MCF2L: variants seen among roughly 807,000 people sequenced by gnomAD.
MCF2L encodes guanine nucleotide exchange factor DBS.
In MCF2L, 97 loss-of-function variants were observed where a neutral mutation model predicts 153.4. The ratio of observed to expected loss-of-function variants is 0.63; its 90% CI spans 0.54 to 0.75. The LOEUF (loss-of-function observed/expected upper bound fraction) is 0.75. Ranked by LOEUF, MCF2L falls within the 30% of genes least tolerant of loss-of-function variation. MCF2L has a pLI of 0.00. For synonymous variants in MCF2L, 659 were observed against 632.2 expected, an observed-to-expected ratio of 1.04 and a Z score of -0.64; for missense variants, 1,347 against 1,495.2, an observed-to-expected ratio of 0.90 and a Z score of 1.64.
chr13:113,041,589 C>T (rs1807141), intron 3 of MCF2L, among the ~76,000 whole-genome samples: 60,926 of 149,378 alleles, frequency 0.41, 13,110 homozygotes, highest in African/African-American at 0.55. Context: ...GCCCTGCCCC[C>T]ATGACCACAG....
intron 2 of MCF2L, among the ~76,000 whole-genome samples, chr13:112,918,162 C>T (rs1304443532): frequency 6.6e-6 from 1 of 152,200 alleles, no homozygotes. Context: ...ATTAAGGGAA[C>T]GCACTGTGTC....
At chr13:112,994,814 GCCA>G (rs2083054471) in intron 1 of MCF2L, among the ~76,000 whole-genome samples, 1 of 152,228 alleles carries the variant, frequency 6.6e-6, no homozygotes, top group Non-Finnish European at 1.5e-5. Flanking sequence ...AGTCGGAAAG[GCCA>G]CCGAGGTTGG....
At chr13:112,968,735 G>T, upstream of MCF2L, 1 of 1,385,264 alleles carries the variant, frequency 7.2e-7, no homozygotes, top group East Asian at 3.0e-5. Flanking sequence ...GCGGCGGCCA[G>T]GCGCGGCCCC....
At position 112,983,422 on chromosome 13, in the gene MCF2L, G is replaced by A. The variant is rs958940697; in HGVS notation, c.79+13964G>A. On this transcript the variant is annotated intron_variant, in intron 1 of 29. Coordinates refer to ENST00000535094, the MANE Select transcript of MCF2L (RefSeq NM_001112732.3). The surrounding 1 kb of genome is among the most constrained non-coding windows in gnomAD (Gnocchi z 4.0). ...AGGATGAGCCTCCTCCCTTCTATCC[G>A]GCAGGTGGCCTTCTCCAGGCATTGC... Among the ~76,000 whole-genome samples the A allele has an allele frequency of 2.0e-5, 3 of 152,168 alleles. No homozygotes were observed. The highest frequency in any genetic ancestry group is 1.9e-4 in the East Asian group (1 of 5,186).
chr13:113,045,161 G>C lies in MCF2L; in HGVS notation c.279-110G>C. Reference sequence around the variant, plus strand: ...GCCTCTCACCTGGTATTGCAGAAATGGCATCATGAATATGGGGGATCGCTC... The same window carrying C: ...GCCTCTCACCTGGTATTGCAGAAATCGCATCATGAATATGGGGGATCGCTC... On this transcript the variant is annotated intron_variant, in intron 3 of 29. Coordinates refer to ENST00000535094, the MANE Select transcript of MCF2L (RefSeq NM_001112732.3). The surrounding 1 kb of genome is among the most constrained non-coding windows in gnomAD (Gnocchi z 4.2). 1 of 1,024,732 alleles carries C rather than the reference G, an allele frequency of 9.8e-7. No individual in the cohort carries two copies. The highest frequency in any genetic ancestry group is 1.7e-5 in the Admixed American group (1 of 58,054). 63.5% of individuals were successfully genotyped at this position (1,024,732 alleles called of 1,614,324 possible). A position where few individuals can be genotyped will look rare whatever the true frequency, so the allele number is the denominator to read the frequency against.
At chr13:112,912,787 C>T (rs575844851) in intron 2 of MCF2L, among the ~76,000 whole-genome samples, 1 of 148,874 alleles carries the variant, frequency 6.7e-6, no homozygotes, top group East Asian at 1.9e-4. Flanking sequence ...GTGTGTGTGT[C>T]TGTGGTGTAT....
chr13:113,031,179 GACA>G lies in MCF2L; in HGVS notation c.278+6422_278+6424del. On this transcript the variant is annotated intron_variant, in intron 3 of 29. Coordinates refer to ENST00000535094, the MANE Select transcript of MCF2L (RefSeq NM_001112732.3). The surrounding 1 kb of genome is among the most constrained non-coding windows in gnomAD (Gnocchi z 5.5). ...CAGAGAGAAGAGACAGAGAGTGACA[GACA>G]GAGACAGAGAGACAGAGACAGACAG... Among the ~76,000 whole-genome samples the G allele has an allele frequency of 1.0e-5, 1 of 97,294 alleles. No individual in the cohort carries two copies. Among genetic ancestry groups the G allele is most frequent in the Non-Finnish European group, 2.2e-5 (1 of 45,060 alleles). 63.8% of individuals were successfully genotyped at this position (97,294 alleles called of 152,430 possible). A position where few individuals can be genotyped will look rare whatever the true frequency, so the allele number is the denominator to read the frequency against.
chr13:113,027,868 C>T lies in MCF2L; in HGVS notation c.278+3110C>T, dbSNP rs2085411053. ...TGGCCGTACCCCGAGGACGTAGGCT[C>T]CAGGTGTGCTGTGGCCAGAGGGGTG... On this transcript the variant is annotated intron_variant, in intron 3 of 29. Coordinates refer to ENST00000535094, the MANE Select transcript of MCF2L (RefSeq NM_001112732.3). The surrounding 1 kb of genome is among the most constrained non-coding windows in gnomAD (Gnocchi z 4.8). 6.6e-6 allele frequency among the ~76,000 whole-genome samples: 1 copy of T among 152,212 alleles called. No homozygotes were observed. Among genetic ancestry groups the T allele is most frequent in the African/African-American group, 2.4e-5 (1 of 41,452 alleles).
At chr13:113,023,306 A>G (rs1251505983) in intron 2 of MCF2L, among the ~76,000 whole-genome samples, 1 of 152,208 alleles carries the variant, frequency 6.6e-6, no homozygotes, top group African/African-American at 2.4e-5. Context: ...TGTCCCATTG[A>G]GGGGTGCCGA....
In MCF2L at chr13:113,064,608, T is replaced by G; in HGVS notation, c.606+188T>G. The stretch of plus-strand genomic sequence containing the variant: ...TAAAGAAGTAACGTGAGTCATAAGT[T>G]TGGGAGTGGCTTTCTCTGGGCTTGG... On this transcript the variant is annotated intron_variant, in intron 6 of 29. Coordinates refer to ENST00000535094, the MANE Select transcript of MCF2L (RefSeq NM_001112732.3). This position sits in a 1 kb window ranked among gnomAD's most constrained non-coding sequence, Gnocchi z 6.0. 1 of 588,368 alleles carries G rather than the reference T, an allele frequency of 1.7e-6. No individual in the cohort carries two copies. The highest frequency in any genetic ancestry group is 3.0e-6 in the Non-Finnish European group (1 of 331,654). The allele number at this position is 588,368 out of a possible 1,614,324, so 36.4% of individuals were successfully genotyped here.
At chr13:113,033,962 G>A (rs138050320) in intron 3 of MCF2L, 2,045 of 114,114 alleles carry the variant, frequency 0.018, 46 homozygotes, top group African/African-American at 0.068. Context: ...CACGCACCGC[G>A]GTGACCACCT....
At chr13:113,012,787 A>C (rs868747671) in intron 1 of MCF2L, among the ~76,000 whole-genome samples, 56 of 111,530 alleles carry the variant, frequency 5.0e-4, no homozygotes, top group African/African-American at 1.8e-3. Flanking sequence ...GACGGTGGAC[A>C]CTGTGATGCG....
chr13:113,039,809 C>A (rs1430202984), intron 3 of MCF2L, among the ~76,000 whole-genome samples: 1 of 152,172 alleles, frequency 6.6e-6, no homozygotes, highest in East Asian at 1.9e-4. Flanking sequence ...GCTGACAAAA[C>A]CATGGAGCAA....
intron 4 of MCF2L, among the ~76,000 whole-genome samples, chr13:113,056,676 C>T (rs28459375): frequency 0.38 from 47,038 of 122,490 alleles, 8,370 homozygotes; most frequent in South Asian, 0.47. Context: ...TGTGTGGGTG[C>T]GGAGTGTTTG....
rs767682120 is a variant in MCF2L at position 113,078,423 on chromosome 13, A to C, written c.1721A>C (p.Tyr574Ser). 128 of 1,611,630 alleles carry C rather than the reference A, an allele frequency of 7.9e-5. No individual in the cohort carries two copies. The highest frequency in any genetic ancestry group is 3.3e-4 in the Middle Eastern group (2 of 6,058). Reference protein sequence around the residue: ...SEGGALRRGPYRRAKSEMSES... With the variant: ...SEGGALRRGPSRRAKSEMSES... ...GGCGGTGCGCTCCGGAGAGGGCCCT[A>C]CCGGAGGGCCAAGGTGAGGCTTGCC... Residue 574 changes from tyrosine (Y) to serine (S), a missense_variant, in exon 14 of 30, where the codon TAC (tyrosine) becomes TCC (serine). Around this residue, in one of 3 missense-constraint regions of MCF2L, gnomAD observed 820 missense variants for 921.2 expected, o/e 0.89. Coordinates refer to ENST00000535094, the MANE Select transcript of MCF2L (RefSeq NM_001112732.3).
Position 113,074,913 on chromosome 13 carries a change from C to T in MCF2L, c.1117-85C>T. On this transcript the variant is annotated intron_variant, in intron 10 of 29. Coordinates refer to ENST00000535094, the MANE Select transcript of MCF2L (RefSeq NM_001112732.3). This position sits in a 1 kb window ranked among gnomAD's most constrained non-coding sequence, Gnocchi z 4.2. ...AAAGAAATCAAGACACACGTGTGCC[C>T]CGGGACACACATCCCGTACAGCAAG... 2.4e-6 allele frequency: 3 copies of T among 1,231,070 alleles called. No homozygotes were observed. The highest frequency in any genetic ancestry group is 3.4e-6 in the Non-Finnish European group (3 of 878,704). 76.3% of individuals were successfully genotyped at this position (1,231,070 alleles called of 1,614,324 possible). A position where few individuals can be genotyped will look rare whatever the true frequency, so the allele number is the denominator to read the frequency against.
At chr13:113,041,697 ATG>A (rs1428807614) in intron 3 of MCF2L, among the ~76,000 whole-genome samples, 16 of 152,164 alleles carry the variant, frequency 1.1e-4, no homozygotes, top group African/African-American at 3.9e-4. Context: ...TGTTCCCGAA[ATG>A]TGGTAGGAGA....
chr13:112,915,410 C>CACAAAAAAAAAAA (rs1555349857), intron 2 of MCF2L, among the ~76,000 whole-genome samples: 7 of 86,936 alleles, frequency 8.1e-5, no homozygotes, highest in African/African-American at 3.2e-4. Context: ...CTCTGTCTCA[C>CACAAAAAAAAAAA]AAAAAAAAAA....
At chr13:112,918,224 A>G (rs1238052863) in intron 2 of MCF2L, among the ~76,000 whole-genome samples, 1 of 152,178 alleles carries the variant, frequency 6.6e-6, no homozygotes, top group East Asian at 1.9e-4. Context: ...CATGTTAGGG[A>G]TGAGGAGGGT....
Sources: allele counts gnomAD v4.1 joint callset (sites outside exome capture counted in the v4.1 genomes callset), GRCh38; gene constraint gnomAD v4.1.1; regional missense constraint gnomAD v4.1.1; non-coding constraint Gnocchi (gnomAD v3.1); transcripts MANE v1.5; gene names NCBI Gene and HGNC (gene_info 2026-07-23, HGNC 2026-07-21).